FLRT2: variants seen among roughly 807,000 people sequenced by gnomAD.
FLRT2 encodes leucine-rich repeat transmembrane protein FLRT2.
In FLRT2, 15 loss-of-function variants were observed where a neutral mutation model predicts 40.0. The ratio of observed to expected loss-of-function variants is 0.38; its 90% CI spans 0.25 to 0.58. FLRT2 has a LOEUF of 0.58. FLRT2 is among the 20% of genes least tolerant of loss of function. The pLI is 0.71. For missense variants in FLRT2, 726 were observed against 840.0 expected, an observed-to-expected ratio of 0.86 and a Z score of 1.68; for synonymous variants, 380 against 336.8, an observed-to-expected ratio of 1.13 and a Z score of -1.41.
Position 85,622,462 on chromosome 14 carries a change from C to T in FLRT2, c.948C>T (p.Cys316=). The part of the protein sequence containing the change: ...TARNNPWFCD[C]SIKWVTEWLK... ...GGAATAACCCTTGGTTTTGTGACTG[C>T]AGTATTAAATGGGTCACAGAATGGC... The change falls in exon 2 of 2, where the codon TGC becomes TGT. Residue 316 remains cysteine (C), a synonymous_variant. Transcript: ENST00000330753. 6.2e-7 allele frequency: 1 copy of T among 1,614,110 alleles called. No homozygotes were observed. The highest frequency in any genetic ancestry group is 2.2e-5 in the East Asian group (1 of 44,872).
rs1465335205 is a variant in FLRT2, at chr14:85,653,231, G to A, written c.*29734G>A. On this transcript the variant is annotated 3_prime_UTR_variant, in exon 2 of 2. Coordinates refer to ENST00000330753, the MANE Select transcript of FLRT2 (RefSeq NM_013231.6). ...GTCACATATGTAAATGAAATGTTTT[G>A]AGCAAAGTTGTAACCCTGCCCACAA... 6.6e-6 allele frequency: 1 copy of A among 152,072 alleles called. No individual in the cohort carries two copies. Among genetic ancestry groups the A allele is most frequent in the African/African-American group, 2.4e-5 (1 of 41,400 alleles). The allele number at this position is 152,072 out of a possible 1,614,324, so 9.4% of individuals were successfully genotyped here. A position where few individuals can be genotyped will look rare whatever the true frequency, so the allele number is the denominator to read the frequency against.
intron 1 of FLRT2, among the ~76,000 whole-genome samples, chr14:85,545,468 T>C (rs1241578944): frequency 6.6e-6 from 1 of 152,184 alleles, no homozygotes; most frequent in Admixed American, 6.5e-5. Flanking sequence ...ACTCAAAATT[T>C]GTTTGTCCAT....
At chr14:85,532,095 C>G (rs549210815) in intron 1 of FLRT2, among the ~76,000 whole-genome samples, 1 of 152,360 alleles carries the variant, frequency 6.6e-6, no homozygotes, top group Middle Eastern at 3.4e-3. Flanking sequence ...GAACTGAGGA[C>G]GAGTAGTGCG....
At position 85,636,862 on chromosome 14, in the gene FLRT2, G is replaced by T. The variant is rs7145843; in HGVS notation, c.*13365G>T. On this transcript the variant is annotated 3_prime_UTR_variant, in exon 2 of 2. Coordinates refer to ENST00000330753, the MANE Select transcript of FLRT2 (RefSeq NM_013231.6). ...CAGAATTGCTTGAACCTGGGAGGCG[G>T]AGGTTGCAGTGAGCTGAGATAGTGC... 46,144 of 146,368 alleles carry T rather than the reference G, an allele frequency of 0.32. 8,069 individuals carry two copies. Among genetic ancestry groups the T allele is most frequent in the Non-Finnish European group, 0.39 (26,409 of 67,024 alleles). 9.1% of individuals were successfully genotyped at this position (146,368 alleles called of 1,614,324 possible).
chr14:85,612,643 A>T (rs1406809845), intron 1 of FLRT2, among the ~76,000 whole-genome samples: 1 of 152,232 alleles, frequency 6.6e-6, no homozygotes, highest in Non-Finnish European at 1.5e-5. Context: ...CTTGTTCCTC[A>T]AATCCAGAAA....
At chr14:85,563,846 T>G (rs1890486553) in intron 1 of FLRT2, among the ~76,000 whole-genome samples, 1 of 152,214 alleles carries the variant, frequency 6.6e-6, no homozygotes, top group Non-Finnish European at 1.5e-5. Context: ...TCAAGAAAAG[T>G]GAAATGTTCT....
chr14:85,578,921 T>G (rs1891258980), intron 1 of FLRT2, among the ~76,000 whole-genome samples: 1 of 152,122 alleles, frequency 6.6e-6, no homozygotes. Context: ...TCTTGCAAAC[T>G]TGGGAAATAT....
intron 1 of FLRT2, among the ~76,000 whole-genome samples, chr14:85,566,738 T>C (rs906452886): frequency 2.1e-5 from 3 of 145,074 alleles, no homozygotes; most frequent in East Asian, 2.0e-4. Context: ...GGCTGAAAAA[T>C]AGTCTCAGTG....
intron 1 of FLRT2, among the ~76,000 whole-genome samples, chr14:85,617,930 C>G (rs1372098609): frequency 6.6e-6 from 1 of 152,160 alleles, no homozygotes; most frequent in East Asian, 1.9e-4. Context: ...TTATTAGGAG[C>G]TTTCTTCAGA....
At chr14:85,580,609 C>G (rs1223834888) in intron 1 of FLRT2, among the ~76,000 whole-genome samples, 2 of 152,060 alleles carry the variant, frequency 1.3e-5, no homozygotes, top group East Asian at 3.9e-4. Flanking sequence ...AGAAAACACC[C>G]AAAAGTGGAG....
intron 1 of FLRT2, among the ~76,000 whole-genome samples, chr14:85,557,972 G>A (rs941841254): frequency 8.1e-5 from 12 of 147,710 alleles, no homozygotes; most frequent in Admixed American, 4.0e-4. Flanking sequence ...AATGAAACAC[G>A]TAATGTAGAC....
chr14:85,617,474 T>C (rs1893186191), intron 1 of FLRT2, among the ~76,000 whole-genome samples: 1 of 152,090 alleles, frequency 6.6e-6, no homozygotes, highest in Non-Finnish European at 1.5e-5. Context: ...GTGATAGAAG[T>C]AGGATGAGAA....
chr14:85,539,150 A>G lies in FLRT2; in HGVS notation c.-377+8616A>G, dbSNP rs560267570. 2.6e-3 allele frequency among the ~76,000 whole-genome samples: 393 copies of G among 152,062 alleles called. 1 individual carries two copies. The highest frequency in any genetic ancestry group is 9.3e-3 in the African/African-American group (385 of 41,480). ...GGCCCTTACATTTTCCAGTTCTCAC[A>G]TCCAGGATTTCATTTATTTCTCACA... On this transcript the variant is annotated intron_variant, in intron 1 of 1. Transcript: ENST00000330753.
intron 1 of FLRT2, among the ~76,000 whole-genome samples, chr14:85,617,054 T>G (rs2236236): frequency 0.07 from 9,178 of 130,884 alleles, 429 homozygotes; most frequent in African/African-American, 0.16. Context: ...TTCTCAACAG[T>G]TGGCGATTTT....
intron 1 of FLRT2, among the ~76,000 whole-genome samples, chr14:85,600,203 A>T (rs1033630636): frequency 6.6e-6 from 1 of 152,224 alleles, no homozygotes; most frequent in African/African-American, 2.4e-5. Context: ...GTAACAAAAG[A>T]TGTTGATGCC....
At position 85,598,916 on chromosome 14, in the gene FLRT2, G is replaced by GTTTT. The variant is rs11449675; in HGVS notation, c.-376-22207_-376-22204dup. Among the ~76,000 whole-genome samples, 79 of 120,284 alleles carry GTTTT rather than the reference G, an allele frequency of 6.6e-4. 1 individual carries two copies. Among genetic ancestry groups the GTTTT allele is most frequent in the African/African-American group, 8.9e-4 (28 of 31,486 alleles). 78.9% of individuals were successfully genotyped at this position (120,284 alleles called of 152,430 possible). A position where few individuals can be genotyped will look rare whatever the true frequency, so the allele number is the denominator to read the frequency against. On this transcript the variant is annotated intron_variant, in intron 1 of 1. Coordinates refer to ENST00000330753, the MANE Select transcript of FLRT2 (RefSeq NM_013231.6). ...AAGATGAAATAAGAGAAATGGGATGGTTTTTTTTTTTTTTTTTTTGAGACG... is the reference window on the plus strand; with the variant it reads ...AAGATGAAATAAGAGAAATGGGATGGTTTTTTTTTTTTTTTTTTTTTTTGAGACG...
In FLRT2 at chr14:85,652,816, T is replaced by G. The variant is rs1185766728; in HGVS notation, c.*29319T>G. 6.7e-6 allele frequency: 1 copy of G among 148,404 alleles called. No homozygotes were observed. The highest frequency in any genetic ancestry group is 1.5e-5 in the Non-Finnish European group (1 of 66,396). 9.2% of individuals were successfully genotyped at this position (148,404 alleles called of 1,614,324 possible). On this transcript the variant is annotated 3_prime_UTR_variant, in exon 2 of 2. Coordinates refer to ENST00000330753, the MANE Select transcript of FLRT2 (RefSeq NM_013231.6). ...CTTTTTCTATTATTTAAAAAAGTTT[T>G]TGCTTGGCAAATCTTCCCCTCTAGG...
rs1223920613 is a variant in FLRT2 at position 85,639,485 on chromosome 14, G to A, written c.*15988G>A. 1 of 152,022 alleles carries A rather than the reference G, an allele frequency of 6.6e-6. No homozygotes were observed. Among genetic ancestry groups the A allele is most frequent in the East Asian group, 1.9e-4 (1 of 5,174 alleles). 9.4% of individuals were successfully genotyped at this position (152,022 alleles called of 1,614,324 possible). A position where few individuals can be genotyped will look rare whatever the true frequency, so the allele number is the denominator to read the frequency against. Reference sequence around the variant, plus strand: ...CTTTCTACAATGCAAGTAGAAGAAGGGGCCCCACCAGTCATTCTGAGACGT... The same window carrying A: ...CTTTCTACAATGCAAGTAGAAGAAGAGGCCCCACCAGTCATTCTGAGACGT... On this transcript the variant is annotated 3_prime_UTR_variant, in exon 2 of 2. Transcript: ENST00000330753.
At chr14:85,557,832 T>TA (rs1566726397) in intron 1 of FLRT2, among the ~76,000 whole-genome samples, 1 of 143,910 alleles carries the variant, frequency 6.9e-6, no homozygotes, top group Non-Finnish European at 1.6e-5. Flanking sequence ...ATAAATAAAT[T>TA]AATTAATTAA....
Sources: allele counts gnomAD v4.1 joint callset (sites outside exome capture counted in the v4.1 genomes callset), GRCh38; gene constraint gnomAD v4.1.1; transcripts MANE v1.5; gene names NCBI Gene and HGNC (gene_info 2026-07-23, HGNC 2026-07-21).